The following ZNF804A variants were observed in gnomAD, a reference collection of about 807,000 sequenced individuals.
The protein encoded by ZNF804A is zinc finger protein 804A.
Under a neutral mutation model 16.5 loss-of-function variants are expected in ZNF804A, and 2 were observed. The observed-to-expected ratio is 0.12, with a 90% CI of 0.05 to 0.38. ZNF804A has a LOEUF of 0.38. Ranked by LOEUF, ZNF804A falls within the 10% of genes least tolerant of loss-of-function variation. The pLI is 0.99. For synonymous variants in ZNF804A, 534 were observed against 489.6 expected (o/e 1.09, Z -1.20); for missense variants, 1,473 against 1,390.7 (o/e 1.06, Z -0.94).
At chr2:184,857,197 G>T (rs1695702673) in intron 1 of ZNF804A, among the ~76,000 whole-genome samples, 1 of 151,844 alleles carries the variant, frequency 6.6e-6, no homozygotes, top group East Asian at 1.9e-4. Context: ...TTTGTTTGAA[G>T]ATAATTTAAA....
At chr2:184,645,743 T>C (rs1261480787) in intron 1 of ZNF804A, among the ~76,000 whole-genome samples, 1 of 152,168 alleles carries the variant, frequency 6.6e-6, no homozygotes, top group Non-Finnish European at 1.5e-5. Flanking sequence ...AGCAAGATAG[T>C]ACATAAAGAT....
intron 2 of ZNF804A, among the ~76,000 whole-genome samples, chr2:184,874,619 A>G (rs1303479696): frequency 2.0e-5 from 3 of 152,286 alleles, no homozygotes; most frequent in East Asian, 3.9e-4. Flanking sequence ...TAATTATCAG[A>G]GTAATCTTGT....
chr2:184,628,112 G>C (rs359889), intron 1 of ZNF804A, among the ~76,000 whole-genome samples: 150,906 of 152,262 alleles, frequency 0.99, 74,793 homozygotes, highest in South Asian at 1. Flanking sequence ...GTCTGGAGTT[G>C]GAGACCAGCC....
chr2:184,705,047 G>T (rs1033445043), intron 1 of ZNF804A, among the ~76,000 whole-genome samples: 2 of 152,202 alleles, frequency 1.3e-5, no homozygotes, highest in African/African-American at 2.4e-5. Context: ...AATTGGGCAA[G>T]AAATGAGGCA....
intron 1 of ZNF804A, among the ~76,000 whole-genome samples, chr2:184,693,561 C>T (rs571107454): frequency 5.0e-4 from 76 of 152,256 alleles, no homozygotes; most frequent in African/African-American, 1.8e-3. Context: ...TGTTACTTAC[C>T]TGTTTTCCCA....
chr2:184,888,678 G>C (rs1359881412), intron 2 of ZNF804A, among the ~76,000 whole-genome samples: 1 of 152,064 alleles, frequency 6.6e-6, no homozygotes, highest in Non-Finnish European at 1.5e-5. Context: ...CCTAGAAAAA[G>C]AGAACAGAGT....
intron 1 of ZNF804A, among the ~76,000 whole-genome samples, chr2:184,681,602 G>A (rs1233223903): frequency 6.6e-6 from 1 of 152,206 alleles, no homozygotes; most frequent in African/African-American, 2.4e-5. Flanking sequence ...ATCATTTATT[G>A]GTTTAAGTTC....
chr2:184,818,437 C>A, intron 1 of ZNF804A, among the ~76,000 whole-genome samples: 1 of 151,132 alleles, frequency 6.6e-6, no homozygotes, highest in Non-Finnish European at 1.5e-5. Context: ...AAAACCATTA[C>A]CAGCCACTAA....
chr2:184,613,858 C>G (rs1365244208), intron 1 of ZNF804A, among the ~76,000 whole-genome samples: 1 of 152,072 alleles, frequency 6.6e-6, no homozygotes, highest in Non-Finnish European at 1.5e-5. Context: ...GGCCATACTG[C>G]CCAAAGTAAT....
chr2:184,721,717 C>T (rs551682977), intron 1 of ZNF804A, among the ~76,000 whole-genome samples: 5 of 152,036 alleles, frequency 3.3e-5, no homozygotes, highest in South Asian at 2.1e-4. Flanking sequence ...AACGACTGTA[C>T]GACCCAGCAA....
intron 1 of ZNF804A, among the ~76,000 whole-genome samples, chr2:184,788,787 T>C (rs1371502402): frequency 6.6e-6 from 1 of 152,004 alleles, no homozygotes; most frequent in Non-Finnish European, 1.5e-5. Context: ...ACAGAGATAA[T>C]TTCACATCCT....
At chr2:184,748,272 G>C (rs191557194) in intron 1 of ZNF804A, among the ~76,000 whole-genome samples, 140 of 145,732 alleles carry the variant, frequency 9.6e-4, no homozygotes, top group Non-Finnish European at 1.7e-3. Context: ...TTTCTCCATA[G>C]CCTCACTAAC....
At chr2:184,663,783 C>T (rs1692216572) in intron 1 of ZNF804A, among the ~76,000 whole-genome samples, 1 of 152,162 alleles carries the variant, frequency 6.6e-6, no homozygotes, top group Non-Finnish European at 1.5e-5. Context: ...TGTCTTTTGC[C>T]CTAGGCAGAC....
chr2:184,674,485 A>G (rs996172430), intron 1 of ZNF804A, among the ~76,000 whole-genome samples: 4 of 151,954 alleles, frequency 2.6e-5, no homozygotes, highest in Non-Finnish European at 4.4e-5. Flanking sequence ...ATAGGGAATC[A>G]AGAGACAAAA....
rs748742220 is a variant in ZNF804A at position 184,933,589 on chromosome 2, C to CTT, written c.256-7_256-6dup. 1.9e-6 allele frequency: 3 copies of CTT among 1,569,528 alleles called. No individual in the cohort carries two copies. In the South Asian group the frequency reaches 3.6e-5, roughly 19 times the overall value. On this transcript the variant is annotated splice_polypyrimidine_tract_variant and intron_variant, in intron 2 of 3. Coordinates refer to ENST00000302277, the MANE Select transcript of ZNF804A (RefSeq NM_194250.2). ...CAAAATACAATTAATCATTTTCCAACTTTTTTTTAACAGAGGCTCAAGGAA... is the reference window on the plus strand; with the variant it reads ...CAAAATACAATTAATCATTTTCCAACTTTTTTTTTTAACAGAGGCTCAAGGAA...
intron 1 of ZNF804A, among the ~76,000 whole-genome samples, chr2:184,839,879 C>T (rs1211353856): frequency 1.3e-5 from 2 of 151,868 alleles, no homozygotes; most frequent in Non-Finnish European, 2.9e-5. Flanking sequence ...TTAAAGGTGG[C>T]CTGACCTGAG....
At chr2:184,656,674 G>A (rs1692078464) in intron 1 of ZNF804A, among the ~76,000 whole-genome samples, 1 of 151,310 alleles carries the variant, frequency 6.6e-6, no homozygotes, top group Non-Finnish European at 1.5e-5. Flanking sequence ...TCTTGTGTGT[G>A]TATATATACA....
intron 1 of ZNF804A, among the ~76,000 whole-genome samples, chr2:184,795,596 A>G (rs1390544252): frequency 6.6e-6 from 1 of 151,900 alleles, no homozygotes; most frequent in African/African-American, 2.4e-5. Flanking sequence ...ATGAAACTGA[A>G]ACAACAAAAA....
At chr2:184,694,736 T>C (rs147127230) in intron 1 of ZNF804A, among the ~76,000 whole-genome samples, 9 of 152,334 alleles carry the variant, frequency 5.9e-5, no homozygotes, top group African/African-American at 2.2e-4. Context: ...ACATATTTAT[T>C]CTAAAATAAT....
Sources: gnomAD v4.1 joint callset for allele counts (sites outside exome capture counted in the v4.1 genomes callset) on GRCh38, gnomAD v4.1.1 for gene constraint, MANE v1.5 for transcripts, NCBI Gene and HGNC (gene_info 2026-07-23, HGNC 2026-07-21) for gene names.